The following TMEM108 variants were observed in gnomAD, a reference collection of about 807,000 sequenced individuals.
TMEM108 encodes the protein cancer/testis antigen 124.
TMEM108 carries 12 observed loss-of-function variants against 35.1 expected under a neutral mutation model. The observed-to-expected ratio is 0.34, with a 90% CI of 0.22 to 0.55. The LOEUF is 0.55. Ranked by LOEUF, TMEM108 falls within the 20% of genes least tolerant of loss-of-function variation. The probability of loss-of-function intolerance (pLI) is 0.89; values close to 1 mark genes in which losing one functional copy is unlikely to be tolerated. For synonymous variants in TMEM108, 287 were observed against 308.6 expected (o/e 0.93, Z 0.73); for missense variants, 680 against 753.3 (o/e 0.90, Z 1.14).
chr3:133,095,438 G>A (rs2107710584), intron 2 of TMEM108, among the ~76,000 whole-genome samples: 1 of 152,220 alleles, frequency 6.6e-6, no homozygotes, highest in African/African-American at 2.4e-5. Context: ...AGGGGTGGAT[G>A]GTTTCACGAT....
At chr3:133,091,640 C>T (rs1454855285) in intron 2 of TMEM108, among the ~76,000 whole-genome samples, 1 of 152,186 alleles carries the variant, frequency 6.6e-6, no homozygotes, top group Non-Finnish European at 1.5e-5. Flanking sequence ...TCTACTTATT[C>T]ACCAGCTACT....
At chr3:133,136,950 A>C (rs1407426487) in intron 2 of TMEM108, among the ~76,000 whole-genome samples, 1 of 152,186 alleles carries the variant, frequency 6.6e-6, no homozygotes, top group Non-Finnish European at 1.5e-5. Context: ...GTGTCAAGTA[A>C]AAGTTAATCA....
At chr3:133,286,151 TCCAGAGTGGAACC>T (rs1946981890) in intron 3 of TMEM108, among the ~76,000 whole-genome samples, 1 of 152,138 alleles carries the variant, frequency 6.6e-6, no homozygotes, top group Non-Finnish European at 1.5e-5. Context: ...AAACATTACC[TCCAGAGTGGAACC>T]CCATAAATTT....
intron 2 of TMEM108, among the ~76,000 whole-genome samples, chr3:133,078,701 A>G (rs1482337837): frequency 1.3e-5 from 2 of 152,248 alleles, no homozygotes; most frequent in Non-Finnish European, 2.9e-5. Flanking sequence ...TAAGCTTTGA[A>G]GTTATCTATT....
intron 2 of TMEM108, among the ~76,000 whole-genome samples, chr3:133,194,575 G>T (rs532212463): frequency 7.0e-5 from 10 of 143,638 alleles, no homozygotes; most frequent in South Asian, 2.2e-4. Context: ...AAATTCCATG[G>T]TTTTTTTTTT....
chr3:133,271,128 C>T (rs1946765533), intron 3 of TMEM108, among the ~76,000 whole-genome samples: 1 of 152,138 alleles, frequency 6.6e-6, no homozygotes, highest in Non-Finnish European at 1.5e-5. Flanking sequence ...CATGCCCTTC[C>T]CCCAACACCA....
chr3:133,081,010 GTTATTC>G (rs1943802941), intron 2 of TMEM108, among the ~76,000 whole-genome samples: 1 of 152,094 alleles, frequency 6.6e-6, no homozygotes, highest in African/African-American at 2.4e-5. Flanking sequence ...TCTTGGGTAA[GTTATTC>G]TTATCTTTCC....
intron 2 of TMEM108, among the ~76,000 whole-genome samples, chr3:133,064,186 A>G (rs901925036): frequency 6.6e-6 from 1 of 152,188 alleles, no homozygotes; most frequent in Non-Finnish European, 1.5e-5. Flanking sequence ...AAAACCAGTT[A>G]TCACTTCTCC....
At chr3:133,272,312 T>TGTGTGTGTGTGTGTGTG (rs1553755045) in intron 3 of TMEM108, among the ~76,000 whole-genome samples, 1 of 141,908 alleles carries the variant, frequency 7.0e-6, no homozygotes, top group Non-Finnish European at 1.6e-5. Flanking sequence ...TGTGTGTGTG[T>TGTGTGTGTGTGTGTGTG]TTCCTAAAGG....
Position 133,205,308 on chromosome 3 carries a change from A to G in TMEM108, c.-46-23958A>G, listed in dbSNP as rs148906291. 3.8e-3 allele frequency among the ~76,000 whole-genome samples: 581 copies of G among 152,140 alleles called. 7 individuals are homozygous for G. The highest frequency in any genetic ancestry group is 0.013 in the African/African-American group (529 of 41,508). On this transcript the variant is annotated intron_variant, in intron 2 of 5. Coordinates refer to ENST00000321871, the MANE Select transcript of TMEM108 (RefSeq NM_023943.4). Reference sequence around the variant, plus strand: ...GGGGCATTTAGCTGGTTTACATTTAAGGTTAATATTGTTATGGGTGAATCT... The same window carrying G: ...GGGGCATTTAGCTGGTTTACATTTAGGGTTAATATTGTTATGGGTGAATCT...
intron 3 of TMEM108, among the ~76,000 whole-genome samples, chr3:133,357,353 A>G (rs2072204134): frequency 6.6e-6 from 1 of 152,226 alleles, no homozygotes; most frequent in Non-Finnish European, 1.5e-5. Flanking sequence ...TAAAACCACT[A>G]TGGAAAACAG....
At chr3:133,238,280 ATCCAT>A (rs5852739) in intron 3 of TMEM108, among the ~76,000 whole-genome samples, 29,930 of 151,994 alleles carry the variant, frequency 0.2, 3,487 homozygotes, top group Middle Eastern at 0.3. Flanking sequence ...CTATTTCATC[ATCCAT>A]TCCTTTGTTT....
At chr3:133,103,154 A>G (rs969896998) in intron 2 of TMEM108, among the ~76,000 whole-genome samples, 2 of 152,252 alleles carry the variant, frequency 1.3e-5, no homozygotes, top group Non-Finnish European at 2.9e-5. Context: ...TTGAAGCACT[A>G]TTCACAATAG....
rs148272827 is a variant in TMEM108, at chr3:133,309,682, CTTTTTTTTTTTTTT to C, written c.41-70047_41-70034del. Among the ~76,000 whole-genome samples, 15 of 69,194 alleles carry C rather than the reference CTTTTTTTTTTTTTT, an allele frequency of 2.2e-4. No homozygotes were observed. In the South Asian group the frequency reaches 4.6e-3, roughly 21 times the overall value. 45.4% of individuals were successfully genotyped at this position (69,194 alleles called of 152,430 possible). ...TAGTTATGCGGGTTTGAGTGAGTTT[CTTTTTTTTTTTTTT>C]TTTTTTTTTTTTTTTTTTTTTTGAG... On this transcript the variant is annotated intron_variant, in intron 3 of 5. Transcript: ENST00000321871.
chr3:133,382,177 C>G (rs2073031207), intron 4 of TMEM108, among the ~76,000 whole-genome samples: 1 of 152,154 alleles, frequency 6.6e-6, no homozygotes, highest in African/African-American at 2.4e-5. Context: ...ACTCCCTTAC[C>G]CCTTCCAGGG....
chr3:133,385,971 G>C (rs1202459488), intron 4 of TMEM108, among the ~76,000 whole-genome samples: 1 of 152,238 alleles, frequency 6.6e-6, no homozygotes, highest in East Asian at 1.9e-4. Context: ...GGAAGCCCCA[G>C]ACTGCAGTGC....
At chr3:133,337,042 A>G (rs749989301) in intron 3 of TMEM108, among the ~76,000 whole-genome samples, 34 of 152,134 alleles carry the variant, frequency 2.2e-4, no homozygotes, top group Non-Finnish European at 4.4e-4. Flanking sequence ...ACAGTAGAAC[A>G]CCAGGTAGGT....
chr3:133,270,269 A>G (rs1429237537), intron 3 of TMEM108, among the ~76,000 whole-genome samples: 2 of 152,190 alleles, frequency 1.3e-5, no homozygotes, highest in Middle Eastern at 3.2e-3. Context: ...CACCACTAGA[A>G]TGCAAGCTGA....
At chr3:133,132,123 A>G (rs1296773434) in intron 2 of TMEM108, among the ~76,000 whole-genome samples, 1 of 152,198 alleles carries the variant, frequency 6.6e-6, no homozygotes, top group Non-Finnish European at 1.5e-5. Flanking sequence ...GAAAAGTACC[A>G]AGTGACGCAG....
Sources: gnomAD v4.1 joint callset for allele counts (sites outside exome capture counted in the v4.1 genomes callset) on GRCh38, gnomAD v4.1.1 for gene constraint, MANE v1.5 for transcripts, NCBI Gene and HGNC (gene_info 2026-07-23, HGNC 2026-07-21) for gene names.